Variants in CNTNAP2 observed in about 807,000 individuals in gnomAD.
CNTNAP2 encodes the protein contactin-associated protein-like 2.
CNTNAP2 carries 98 observed loss-of-function variants against 155.2 expected under a neutral mutation model. That is an observed-to-expected ratio of 0.63 (90% CI 0.54 to 0.75). The LOEUF is 0.75. Among genes scored for constraint, CNTNAP2 ranks in the 30% least tolerant of loss-of-function variants. The pLI, the probability that CNTNAP2 is intolerant of heterozygous loss-of-function variation, is 0.00. For missense variants in CNTNAP2, 1,727 were observed against 1,688.1 expected, an observed-to-expected ratio of 1.02 and a Z score of -0.40; for synonymous variants, 651 against 631.2, an observed-to-expected ratio of 1.03 and a Z score of -0.47.
chr7:147,578,800 C>G (rs760380438), intron 12 of CNTNAP2, among the ~76,000 whole-genome samples: 1 of 151,828 alleles, frequency 6.6e-6, no homozygotes, highest in Non-Finnish European at 1.5e-5. Context: ...ACTTTAAAAC[C>G]CTGTGTATTA....
Position 147,108,339 on chromosome 7 carries a change from G to T in CNTNAP2, c.743G>T (p.Ser248Ile), listed in dbSNP as rs1480053766. ...CTGAAAAAAGCCAAGCTGGTCCTCA[G>T]TTTAAACTTAGGTGTGTTCTGACTG... is the stretch of plus-strand genomic sequence containing the variant. The part of the protein sequence containing the change: ...LELKKAKLVL[S>I]LNLGSNQLGP... Residue 248 changes from serine to isoleucine, a missense_variant, in exon 5 of 24, where the codon AGT becomes ATT. Transcript: ENST00000361727. 1.2e-6 allele frequency: 2 copies of T among 1,613,248 alleles called. No individual in the cohort carries two copies. The highest frequency in any genetic ancestry group is 2.2e-5 in the South Asian group (2 of 91,038).
intron 1 of CNTNAP2, among the ~76,000 whole-genome samples, chr7:146,249,197 T>C (rs2116940695): frequency 6.6e-6 from 1 of 152,300 alleles, no homozygotes; most frequent in South Asian, 2.1e-4. Context: ...GGGGATATGA[T>C]GGCTTAGCTT....
intron 13 of CNTNAP2, among the ~76,000 whole-genome samples, chr7:147,793,820 T>C (rs942984295): frequency 6.6e-6 from 1 of 152,062 alleles, no homozygotes; most frequent in Non-Finnish European, 1.5e-5. Flanking sequence ...TTTTCATTCA[T>C]TCAGATTTTT....
chr7:147,977,219 T>C (rs1563155089), intron 14 of CNTNAP2, among the ~76,000 whole-genome samples: 1 of 152,096 alleles, frequency 6.6e-6, no homozygotes. Context: ...TTGGGAGACC[T>C]GAAACAAGAT....
intron 10 of CNTNAP2, among the ~76,000 whole-genome samples, chr7:147,471,556 C>T (rs961903842): frequency 6.6e-5 from 10 of 152,148 alleles, no homozygotes; most frequent in African/African-American, 1.7e-4. Context: ...GTCGTGTCTA[C>T]GACTTTCCTT....
At chr7:147,411,809 A>T (rs1338893535) in intron 10 of CNTNAP2, among the ~76,000 whole-genome samples, 1 of 152,170 alleles carries the variant, frequency 6.6e-6, no homozygotes, top group Non-Finnish European at 1.5e-5. Context: ...GCCTGCTAAA[A>T]CTTTGAGGAT....
At chr7:146,578,610 A>G (rs1272383095) in intron 1 of CNTNAP2, among the ~76,000 whole-genome samples, 7 of 152,162 alleles carry the variant, frequency 4.6e-5, no homozygotes, top group Non-Finnish European at 2.9e-5. Context: ...AATAATTACT[A>G]TAAGTTGGCA....
intron 14 of CNTNAP2, among the ~76,000 whole-genome samples, chr7:147,926,327 G>T (rs181856989): frequency 6.6e-6 from 1 of 152,220 alleles, no homozygotes; most frequent in Non-Finnish European, 1.5e-5. Context: ...AGATTTCAGA[G>T]ATTAGGACTT....
intron 1 of CNTNAP2, among the ~76,000 whole-genome samples, chr7:146,382,303 A>G (rs1795401167): frequency 6.6e-6 from 1 of 152,204 alleles, no homozygotes; most frequent in Admixed American, 6.5e-5. Context: ...AGTGCATAGA[A>G]AAAGGAAGAT....
chr7:147,557,377 T>C lies in CNTNAP2; in HGVS notation c.1778-4761T>C, dbSNP rs148245874. 2.1e-3 allele frequency among the ~76,000 whole-genome samples: 314 copies of C among 152,316 alleles called. 2 individuals are homozygous for C. Among genetic ancestry groups the C allele is most frequent in the African/African-American group, 7.1e-3 (296 of 41,562 alleles). On this transcript the variant is annotated intron_variant, in intron 11 of 23. Transcript: ENST00000361727. The stretch of plus-strand genomic sequence containing the variant: ...TTCTGAATAGCTGATATTATGAATA[T>C]ATAGCATGAGAACTTTTACTTGGGA...
At chr7:147,369,853 ACCTG>A (rs1376691037) in intron 9 of CNTNAP2, among the ~76,000 whole-genome samples, 46 of 152,314 alleles carry the variant, frequency 3.0e-4, no homozygotes, top group Non-Finnish European at 1.3e-4. Flanking sequence ...CTTTGTATTT[ACCTG>A]CATAAATAAC....
chr7:148,021,766 C>T (rs1234338860), intron 15 of CNTNAP2, among the ~76,000 whole-genome samples: 2 of 152,114 alleles, frequency 1.3e-5, no homozygotes, highest in Non-Finnish European at 2.9e-5. Flanking sequence ...CAGAGAAGGG[C>T]ACCAAACTTA....
At position 146,428,884 on chromosome 7, in the gene CNTNAP2, G is replaced by A. The variant is rs570724296; in HGVS notation, c.97+311911G>A. ...TCTTCTATGACTGTTATAGTTTGGG[G>A]TCTTATATTTTAGTATTTAATCTCT... On this transcript the variant is annotated intron_variant, in intron 1 of 23. Coordinates refer to ENST00000361727, the MANE Select transcript of CNTNAP2 (RefSeq NM_014141.6). Among the ~76,000 whole-genome samples, 25 of 152,046 alleles carry A rather than the reference G, an allele frequency of 1.6e-4. No individual in the cohort carries two copies. In the South Asian group the frequency reaches 3.7e-3, roughly 23 times the overall value.
chr7:147,168,325 T>C (rs1295285536), intron 8 of CNTNAP2, among the ~76,000 whole-genome samples: 1 of 151,862 alleles, frequency 6.6e-6, no homozygotes, highest in Non-Finnish European at 1.5e-5. Context: ...AAAATGATAT[T>C]TGGGAATTAC....
chr7:146,670,154 G>C (rs1441317699), intron 1 of CNTNAP2, among the ~76,000 whole-genome samples: 3 of 152,090 alleles, frequency 2.0e-5, no homozygotes, highest in Admixed American at 1.3e-4. Context: ...GATACTACTA[G>C]GCCAAGTACA....
intron 1 of CNTNAP2, among the ~76,000 whole-genome samples, chr7:146,547,360 G>T (rs62481760): frequency 0.054 from 8,153 of 151,908 alleles, 311 homozygotes; most frequent in Non-Finnish European, 0.085. Context: ...ATTGTGGTAA[G>T]AACCCTTAAG....
intron 16 of CNTNAP2, among the ~76,000 whole-genome samples, chr7:148,119,789 A>G (rs1486774761): frequency 2.0e-5 from 3 of 152,276 alleles, no homozygotes; most frequent in South Asian, 4.1e-4. Flanking sequence ...AAATACTCAT[A>G]AGGCATTTAT....
At chr7:147,013,851 A>G (rs908827593) in intron 3 of CNTNAP2, among the ~76,000 whole-genome samples, 3 of 152,270 alleles carry the variant, frequency 2.0e-5, no homozygotes, top group Admixed American at 1.3e-4. Flanking sequence ...AATGTCTACC[A>G]TGACCCAAAT....
At chr7:146,943,230 A>G (rs781737224) in intron 3 of CNTNAP2, among the ~76,000 whole-genome samples, 15 of 152,212 alleles carry the variant, frequency 9.9e-5, no homozygotes, top group Non-Finnish European at 1.9e-4. Context: ...TGGTATTAAG[A>G]AACTCATAAG....
Sources: gnomAD v4.1 joint callset for allele counts (sites outside exome capture counted in the v4.1 genomes callset) on GRCh38, gnomAD v4.1.1 for gene constraint, MANE v1.5 for transcripts, NCBI Gene and HGNC (gene_info 2026-07-23, HGNC 2026-07-21) for gene names.